SLX4IP: variants seen among roughly 807,000 people sequenced by gnomAD.
SLX4IP encodes protein SLX4IP.
In SLX4IP, 34 loss-of-function variants were observed where a neutral mutation model predicts 32.9. That is an observed-to-expected ratio of 1.03 (90% CI 0.79 to 1.38). The LOEUF is 1.38. Ranked by LOEUF, SLX4IP falls within the 40% of genes most tolerant of loss-of-function variation. The pLI is 0.00. For synonymous variants in SLX4IP, 172 were observed against 171.7 expected (o/e 1.00, Z -0.01); for missense variants, 444 against 479.0 (o/e 0.93, Z 0.68).
chr20:10,485,798 CTTA>C (rs1600919642), intron 2 of SLX4IP, among the ~76,000 whole-genome samples: 1 of 151,954 alleles, frequency 6.6e-6, no homozygotes, highest in South Asian at 2.1e-4. Context: ...ATACTGTATG[CTTA>C]TTATTTAGTA....
chr20:10,589,231 A>G (rs1296439162), intron 4 of SLX4IP, among the ~76,000 whole-genome samples: 1 of 152,202 alleles, frequency 6.6e-6, no homozygotes, highest in African/African-American at 2.4e-5. Flanking sequence ...GTATTAAATA[A>G]GTTATTAAAA....
chr20:10,565,352 T>A (rs1332882077), intron 4 of SLX4IP, among the ~76,000 whole-genome samples: 1 of 152,134 alleles, frequency 6.6e-6, no homozygotes, highest in Admixed American at 6.6e-5. Flanking sequence ...TGGAGAGCCC[T>A]GTTGTGAAGC....
intron 2 of SLX4IP, among the ~76,000 whole-genome samples, chr20:10,483,089 TA>T (rs2065538787): frequency 6.6e-6 from 1 of 152,216 alleles, no homozygotes; most frequent in East Asian, 1.9e-4. Context: ...TCACCACAGA[TA>T]AAATTAACAA....
intron 4 of SLX4IP, among the ~76,000 whole-genome samples, chr20:10,570,339 CAG>C (rs2066447237): frequency 6.6e-6 from 1 of 152,214 alleles, no homozygotes; most frequent in Non-Finnish European, 1.5e-5. Context: ...GCTATCCACT[CAG>C]GAGTGGCCTT....
rs2065657461 is a variant in SLX4IP, at chr20:10,495,283, TA to T, written c.27+37055del. Among the ~76,000 whole-genome samples, 16 of 152,308 alleles carry T rather than the reference TA, an allele frequency of 1.1e-4. No individual in the cohort carries two copies. In the South Asian group the frequency reaches 3.3e-3, roughly 32 times the overall value. ...GTCTGATTTTTTTAAGATTGCATAT[TA>T]AATTTCTCAAATACCTTTTGAGAAT... On this transcript the variant is annotated intron_variant, in intron 2 of 7. Coordinates refer to ENST00000334534, the MANE Select transcript of SLX4IP (RefSeq NM_001009608.3).
chr20:10,579,797 A>G (rs2066563150), intron 4 of SLX4IP, among the ~76,000 whole-genome samples: 1 of 152,128 alleles, frequency 6.6e-6, no homozygotes, highest in African/African-American at 2.4e-5. Context: ...TTTATAGTAA[A>G]TTTGAAATTG....
chr20:10,459,609 G>C (rs2065318866), intron 2 of SLX4IP, among the ~76,000 whole-genome samples: 1 of 152,158 alleles, frequency 6.6e-6, no homozygotes, highest in Admixed American at 6.5e-5. Context: ...TTCTCATTAT[G>C]TCAAAGCAGA....
intron 2 of SLX4IP, among the ~76,000 whole-genome samples, chr20:10,489,806 T>A (rs1183631751): frequency 6.6e-6 from 1 of 152,234 alleles, no homozygotes; most frequent in Non-Finnish European, 1.5e-5. Context: ...ACAGTTTCTC[T>A]GAATTCAGCT....
chr20:10,503,331 A>G (rs1418435596), intron 2 of SLX4IP, among the ~76,000 whole-genome samples: 1 of 152,152 alleles, frequency 6.6e-6, no homozygotes, highest in Non-Finnish European at 1.5e-5. Context: ...AGAGTTTAGT[A>G]TAGGTGGCCT....
chr20:10,517,077 A>C (rs1256298341), intron 2 of SLX4IP, among the ~76,000 whole-genome samples: 1 of 152,238 alleles, frequency 6.6e-6, no homozygotes, highest in Admixed American at 6.5e-5. Flanking sequence ...ATCATTTTAC[A>C]TTGTCAAGCC....
chr20:10,529,366 A>T (rs929343741), intron 2 of SLX4IP, among the ~76,000 whole-genome samples: 3 of 152,028 alleles, frequency 2.0e-5, no homozygotes, highest in African/African-American at 7.2e-5. Context: ...AGGCGGGTGG[A>T]TCACTTGAGG....
intron 4 of SLX4IP, among the ~76,000 whole-genome samples, chr20:10,591,812 T>G (rs2066712752): frequency 6.6e-6 from 1 of 152,258 alleles, no homozygotes; most frequent in African/African-American, 2.4e-5. Context: ...GAAAGCAACA[T>G]GGGGAAGAAA....
chr20:10,448,334 A>G (rs553982985), intron 1 of SLX4IP, among the ~76,000 whole-genome samples: 2 of 152,182 alleles, frequency 1.3e-5, no homozygotes, highest in Non-Finnish European at 2.9e-5. Flanking sequence ...TAGAAATGGA[A>G]TAGACTATAG....
chr20:10,487,066 C>T (rs1052323253), intron 2 of SLX4IP, among the ~76,000 whole-genome samples: 1 of 152,184 alleles, frequency 6.6e-6, no homozygotes, highest in African/African-American at 2.4e-5. Context: ...CGCCTGCACG[C>T]TTTTCTAACT....
intron 6 of SLX4IP, among the ~76,000 whole-genome samples, chr20:10,620,294 A>G (rs1211705566): frequency 6.6e-6 from 1 of 152,238 alleles, no homozygotes; most frequent in African/African-American, 2.4e-5. Context: ...CAAAAGGAGA[A>G]GAGATTCCAA....
At chr20:10,483,615 T>G (rs2065545023) in intron 2 of SLX4IP, among the ~76,000 whole-genome samples, 1 of 151,164 alleles carries the variant, frequency 6.6e-6, no homozygotes, top group South Asian at 2.1e-4. Flanking sequence ...AATTTTTAAA[T>G]GTTTAATTAC....
At chr20:10,515,695 T>C (rs755982081) in intron 2 of SLX4IP, among the ~76,000 whole-genome samples, 5 of 152,250 alleles carry the variant, frequency 3.3e-5, no homozygotes, top group Non-Finnish European at 7.3e-5. Context: ...GCTCATTTAG[T>C]TCACTAGCCT....
chr20:10,576,366 A>C (rs1270928928), intron 4 of SLX4IP, among the ~76,000 whole-genome samples: 1 of 152,164 alleles, frequency 6.6e-6, no homozygotes, highest in Non-Finnish European at 1.5e-5. Flanking sequence ...AGTTGAGTAG[A>C]GGCATGGTGA....
intron 6 of SLX4IP, among the ~76,000 whole-genome samples, chr20:10,619,575 G>GAT (rs1317129586): frequency 6.6e-6 from 1 of 152,096 alleles, no homozygotes; most frequent in African/African-American, 2.4e-5. Flanking sequence ...TTCCATTGTG[G>GAT]ATTTCTTCCA....
Sources: allele counts gnomAD v4.1 joint callset (sites outside exome capture counted in the v4.1 genomes callset), GRCh38; gene constraint gnomAD v4.1.1; transcripts MANE v1.5; gene names NCBI Gene and HGNC (gene_info 2026-07-23, HGNC 2026-07-21).